The following BRIP1 variants were observed in gnomAD, a reference collection of about 807,000 sequenced individuals.
BRIP1 encodes Fanconi anemia group J protein.
BRIP1 carries 88 observed loss-of-function variants against 119.7 expected under a neutral mutation model. The observed-to-expected ratio is 0.74, with a 90% CI of 0.62 to 0.88. The LOEUF is 0.88. Among genes scored for constraint, BRIP1 ranks in the 40% least tolerant of loss-of-function variants. The pLI is 0.00. For synonymous variants in BRIP1, 443 were observed against 496.5 expected (o/e 0.89, Z 1.43); for missense variants, 1,259 against 1,455.4 (o/e 0.87, Z 2.20).
At position 61,823,614 on chromosome 17, in the gene BRIP1, GTC is replaced by G. The variant is rs1761867118; in HGVS notation, c.628-14859_628-14858del. On this transcript the variant is annotated intron_variant, in intron 6 of 19. Transcript: ENST00000259008. The surrounding 1 kb of genome is among the most constrained non-coding windows in gnomAD (Gnocchi z 4.8). ...AGTCAGTGATGTATAATATCAAGCT[GTC>G]TAATATACACATAATTGAAGTCTGA... Among the ~76,000 whole-genome samples, 1 of 152,140 alleles carries G rather than the reference GTC, an allele frequency of 6.6e-6. No individual in the cohort carries two copies. The highest frequency in any genetic ancestry group is 6.6e-5 in the Admixed American group (1 of 15,266).
At position 61,769,844 on chromosome 17, in the gene BRIP1, T is replaced by C. The variant is rs975674763; in HGVS notation, c.2097+6557A>G. Among the ~76,000 whole-genome samples, 2 of 152,120 alleles carry C rather than the reference T, an allele frequency of 1.3e-5. No individual in the cohort carries two copies. The highest frequency in any genetic ancestry group is 2.9e-5 in the Non-Finnish European group (2 of 68,026). On this transcript the variant is annotated intron_variant, in intron 14 of 19. Transcript: ENST00000259008. This position sits in a 1 kb window ranked among gnomAD's most constrained non-coding sequence, Gnocchi z 4.9. ...AGAAATAGTTAAAAGATAATATTGA[T>C]GAATTGCTGGAGATAAAATGTGAAC...
rs2077437410 is a variant in BRIP1, at chr17:61,770,815, C to T, written c.2097+5586G>A. Among the ~76,000 whole-genome samples, 1 of 151,910 alleles carries T rather than the reference C, an allele frequency of 6.6e-6. No individual in the cohort carries two copies. The highest frequency in any genetic ancestry group is 2.4e-5 in the African/African-American group (1 of 41,336). On this transcript the variant is annotated intron_variant, in intron 14 of 19. Transcript: ENST00000259008. The surrounding 1 kb of genome is among the most constrained non-coding windows in gnomAD (Gnocchi z 4.7). ...ACATTAGAAAAATTTAAATGGCACA[C>T]TAGAAAATATCTATCTATTAGATTC...
At chr17:61,836,534 T>C (rs1481199721) in intron 6 of BRIP1, among the ~76,000 whole-genome samples, 1 of 152,176 alleles carries the variant, frequency 6.6e-6, no homozygotes, top group Non-Finnish European at 1.5e-5. Context: ...GAATCATACA[T>C]CTACTTAACT....
chr17:61,821,370 G>A (rs182079606), intron 6 of BRIP1, among the ~76,000 whole-genome samples: 345 of 152,126 alleles, frequency 2.3e-3, no homozygotes, highest in Middle Eastern at 6.8e-3. Flanking sequence ...AGTAGCCTCT[G>A]ATCCTTTTGT....
At position 61,851,166 on chromosome 17, in the gene BRIP1, T is replaced by G. The variant is rs2078816341; in HGVS notation, c.380-1910A>C. ...TCACTTGAACCCGGGAGGCAGAGGTTGCAGTGAGCCAAGATCGCACCACTG... is the reference window on the plus strand; with the variant it reads ...TCACTTGAACCCGGGAGGCAGAGGTGGCAGTGAGCCAAGATCGCACCACTG... On this transcript the variant is annotated intron_variant, in intron 4 of 19. Coordinates refer to ENST00000259008, the MANE Select transcript of BRIP1 (RefSeq NM_032043.3). The surrounding 1 kb of genome is among the most constrained non-coding windows in gnomAD (Gnocchi z 4.6). Among the ~76,000 whole-genome samples, 1 of 152,036 alleles carries G rather than the reference T, an allele frequency of 6.6e-6. No individual in the cohort carries two copies. The highest frequency in any genetic ancestry group is 2.4e-5 in the African/African-American group (1 of 41,386).
Position 61,848,930 on chromosome 17 carries a change from G to A in BRIP1, c.507+199C>T, listed in dbSNP as rs752988910. On this transcript the variant is annotated intron_variant, in intron 5 of 19. Transcript: ENST00000259008. The surrounding 1 kb of genome is among the most constrained non-coding windows in gnomAD (Gnocchi z 4.3). The stretch of plus-strand genomic sequence containing the variant: ...AAACACCATGCAGTTTCACTTGAAC[G>A]ACATGTTACTGTGAATAATCTGCTA... Among the ~76,000 whole-genome samples, 2 of 152,104 alleles carry A rather than the reference G, an allele frequency of 1.3e-5. No individual in the cohort carries two copies. Among genetic ancestry groups the A allele is most frequent in the Non-Finnish European group, 2.9e-5 (2 of 68,020 alleles).
At position 61,805,152 on chromosome 17, in the gene BRIP1, C is replaced by A. The variant is rs2078056600; in HGVS notation, c.918+3315G>T. 6.6e-6 allele frequency among the ~76,000 whole-genome samples: 1 copy of A among 151,914 alleles called. No homozygotes were observed. The highest frequency in any genetic ancestry group is 2.4e-5 in the African/African-American group (1 of 41,332). ...CCGTGTTTTCAAAACATACATACAT[C>A]AATACATACACAAATGTATCTAGAT... On this transcript the variant is annotated intron_variant, in intron 7 of 19. Transcript: ENST00000259008. This position sits in a 1 kb window ranked among gnomAD's most constrained non-coding sequence, Gnocchi z 5.6.
chr17:61,781,065 C>T, intron 11 of BRIP1, 60 bp from the exon 12 acceptor site: 2 of 1,515,302 alleles, frequency 1.3e-6, no homozygotes, highest in Non-Finnish European at 1.8e-6. Flanking sequence ...GACCCAGCTA[C>T]ATACAATATA....
In BRIP1 at chr17:61,857,269, T is replaced by C; in HGVS notation, c.206-38A>G. The C allele has an allele frequency of 6.6e-7, 1 of 1,524,862 alleles. No homozygotes were observed. The highest frequency in any genetic ancestry group is 9.0e-7 in the Non-Finnish European group (1 of 1,115,752). 94.5% of individuals were successfully genotyped at this position (1,524,862 alleles called of 1,614,324 possible). On this transcript the variant is annotated intron_variant, in intron 3 of 19. Transcript: ENST00000259008. The surrounding 1 kb of genome is among the most constrained non-coding windows in gnomAD (Gnocchi z 5.1). ...GAACATCTATTTATAATATATCTAA[T>C]TAAATAAACATCAATCATTCTCTAC...
intron 6 of BRIP1, among the ~76,000 whole-genome samples, chr17:61,835,825 A>C (rs114369100): frequency 6.6e-6 from 1 of 152,222 alleles, no homozygotes; most frequent in Non-Finnish European, 1.5e-5. Flanking sequence ...CAACTGATCA[A>C]CTATTTGGGA....
Position 61,793,757 on chromosome 17 carries a change from A to C in BRIP1, c.1341-28T>G. On this transcript the variant is annotated intron_variant, in intron 9 of 19. Transcript: ENST00000259008. This position sits in a 1 kb window ranked among gnomAD's most constrained non-coding sequence, Gnocchi z 5.2. Reference sequence around the variant, plus strand: ...GAAATAAAATAAAACAATTGTGTCAACCAGTATCATCCTTACACACACTAT... The same window carrying C: ...GAAATAAAATAAAACAATTGTGTCACCCAGTATCATCCTTACACACACTAT... 4 of 1,601,434 alleles carry C rather than the reference A, an allele frequency of 2.5e-6. No individual in the cohort carries two copies. The highest frequency in any genetic ancestry group is 3.4e-6 in the Non-Finnish European group (4 of 1,175,950).
Position 61,760,658 on chromosome 17 carries a change from C to CA in BRIP1, c.2097+15742dup, listed in dbSNP as rs1441814885. Among the ~76,000 whole-genome samples, 1 of 151,774 alleles carries CA rather than the reference C, an allele frequency of 6.6e-6. No individual in the cohort carries two copies. On this transcript the variant is annotated intron_variant, in intron 14 of 19. Coordinates refer to ENST00000259008, the MANE Select transcript of BRIP1 (RefSeq NM_032043.3). This position sits in a 1 kb window ranked among gnomAD's most constrained non-coding sequence, Gnocchi z 4.6. ...AGTGACTATTACAATTATATGCCAACAAAATAAACTGGATACCTGGAAGAA... is the reference window on the plus strand; with the variant it reads ...AGTGACTATTACAATTATATGCCAACAAAAATAAACTGGATACCTGGAAGAA...
chr17:61,777,805 T>C (rs925790608), intron 13 of BRIP1, among the ~76,000 whole-genome samples: 1 of 152,162 alleles, frequency 6.6e-6, no homozygotes, highest in Non-Finnish European at 1.5e-5. Flanking sequence ...GGCTTCATTA[T>C]GTAGGCATGA....
At position 61,840,140 on chromosome 17, in the gene BRIP1, C is replaced by T. The variant is rs141390678; in HGVS notation, c.627+6961G>A. On this transcript the variant is annotated intron_variant, in intron 6 of 19. Coordinates refer to ENST00000259008, the MANE Select transcript of BRIP1 (RefSeq NM_032043.3). ...TTGGGAGGCCGAGGCAAACAGATCACCCGAGGTCAGGCGTTCAAGGCCAGC... is the reference window on the plus strand; with the variant it reads ...TTGGGAGGCCGAGGCAAACAGATCATCCGAGGTCAGGCGTTCAAGGCCAGC... Among the ~76,000 whole-genome samples the T allele has an allele frequency of 6.6e-5, 10 of 152,212 alleles. No homozygotes were observed. In the East Asian group the frequency reaches 1.7e-3, roughly 27 times the overall value.
At position 61,808,895 on chromosome 17, in the gene BRIP1, T is replaced by C; in HGVS notation, c.628-138A>G. 1.1e-6 allele frequency: 1 copy of C among 880,158 alleles called. No individual in the cohort carries two copies. The highest frequency in any genetic ancestry group is 1.7e-6 in the Non-Finnish European group (1 of 585,170). The allele number at this position is 880,158 out of a possible 1,614,324, so 54.5% of individuals were successfully genotyped here. ...AGAAATAACAAGAAATTATAGTATC[T>C]AAAACTTGCCATTAAAGAAAAAACT... is the stretch of plus-strand genomic sequence containing the variant. On this transcript the variant is annotated intron_variant, in intron 6 of 19. Coordinates refer to ENST00000259008, the MANE Select transcript of BRIP1 (RefSeq NM_032043.3). This position sits in a 1 kb window ranked among gnomAD's most constrained non-coding sequence, Gnocchi z 4.1.
chr17:61,723,854 T>C (rs1209811029), intron 16 of BRIP1, among the ~76,000 whole-genome samples: 2 of 152,134 alleles, frequency 1.3e-5, no homozygotes, highest in Non-Finnish European at 2.9e-5. Context: ...GGCCCATAGT[T>C]GTGTTTTGTG....
In BRIP1 at chr17:61,690,385, T is replaced by C. The variant is rs1402818170; in HGVS notation, c.2575+3045A>G. Among the ~76,000 whole-genome samples, 1 of 152,230 alleles carries C rather than the reference T, an allele frequency of 6.6e-6. No individual in the cohort carries two copies. The highest frequency in any genetic ancestry group is 1.9e-4 in the East Asian group (1 of 5,204). On this transcript the variant is annotated intron_variant, in intron 18 of 19. Transcript: ENST00000259008. The surrounding 1 kb of genome is among the most constrained non-coding windows in gnomAD (Gnocchi z 5.6). ...ATAACTATAATAGTATGTTAGTGGA[T>C]ACACTATATAAAAGGGTATAATTTG...
At chr17:61,786,809 A>G (rs113782039) in intron 10 of BRIP1, among the ~76,000 whole-genome samples, 1 of 130,280 alleles carries the variant, frequency 7.7e-6, no homozygotes, top group Non-Finnish European at 1.6e-5. Flanking sequence ...ATATATTTAT[A>G]TATTTTATAT....
chr17:61,787,904 A>G (rs1342997613), intron 10 of BRIP1, among the ~76,000 whole-genome samples: 4 of 152,184 alleles, frequency 2.6e-5, no homozygotes, highest in Non-Finnish European at 4.4e-5. Context: ...TCGGCCTCCC[A>G]AAGTGCTGGG....
Sources: gnomAD v4.1 joint callset for allele counts (sites outside exome capture counted in the v4.1 genomes callset) on GRCh38, gnomAD v4.1.1 for gene constraint, Gnocchi (gnomAD v3.1) non-coding constraint, MANE v1.5 for transcripts, NCBI Gene and HGNC (gene_info 2026-07-23, HGNC 2026-07-21) for gene names.